Variants in SNX14 observed in about 807,000 individuals in gnomAD.
SNX14 encodes sorting nexin 14.
Under a neutral mutation model 133.8 loss-of-function variants are expected in SNX14, and 93 were observed. That is an observed-to-expected ratio of 0.70 (90% CI 0.59 to 0.83). The LOEUF (loss-of-function observed/expected upper bound fraction) is 0.83, where lower values mean the gene tolerates loss of function less well. SNX14 is among the 40% of genes least tolerant of loss of function. The probability of loss-of-function intolerance (pLI) is 0.00; values close to 1 mark genes in which losing one functional copy is unlikely to be tolerated. For synonymous variants in SNX14, 368 were observed against 365.6 expected, an observed-to-expected ratio of 1.01 and a Z score of -0.07; for missense variants, 945 against 1,094.9, an observed-to-expected ratio of 0.86 and a Z score of 1.93.
At chr6:85,530,136 G>T in intron 19 of SNX14, 56 bp downstream of exon 19, 1 of 1,094,586 alleles carries the variant, frequency 9.1e-7, no homozygotes, top group Non-Finnish European at 1.3e-6. Flanking sequence ...TGGTGTCATA[G>T]TTTTAAAGAA....
At chr6:85,518,221 G>C (rs188866379) in intron 21 of SNX14, among the ~76,000 whole-genome samples, 173 bp from the exon 22 acceptor site, 110 of 152,170 alleles carry the variant, frequency 7.2e-4, no homozygotes, top group African/African-American at 2.5e-3. Context: ...ATGGTATTCT[G>C]AAATATTTAT....
At chr6:85,520,931 T>C (rs1776662190) in intron 21 of SNX14, among the ~76,000 whole-genome samples, 1 of 152,220 alleles carries the variant, frequency 6.6e-6, no homozygotes, top group African/African-American at 2.4e-5. Context: ...ATGAACGTTC[T>C]TAAACATGGA....
chr6:85,535,482 G>A (rs1424750554), intron 17 of SNX14, among the ~76,000 whole-genome samples: 1 of 151,906 alleles, frequency 6.6e-6, no homozygotes, highest in Non-Finnish European at 1.5e-5. Flanking sequence ...TGGGCATGGT[G>A]GCGGGCGCCT....
In SNX14 at chr6:85,572,341, G is replaced by T; in HGVS notation, c.295C>A (p.His99Asn). 3 of 1,613,208 alleles carry T rather than the reference G, an allele frequency of 1.9e-6. No individual in the cohort carries two copies. The South Asian group carries it at 3.3e-5, about 18-fold the overall frequency. ...LGLQELFPQG[H>N]SCAVCGKVKC... ...ACTTTACCACAAACAGCACAGCTAT[G>T]ACCTTGAGGAAATAATTCCTGAAGT... Residue 99 changes from histidine (H) to asparagine (N), a missense_variant, in exon 3 of 29, where the codon CAT becomes AAT. Physicochemically the swap from His to Asn is moderately conservative, Grantham distance 68. This residue lies in a region of SNX14 where 514 missense variants were observed against 538.8 expected (regional missense o/e 0.95). Transcript: ENST00000314673.
chr6:85,535,237 A>G (rs1781549451), intron 17 of SNX14, among the ~76,000 whole-genome samples: 1 of 150,980 alleles, frequency 6.6e-6, no homozygotes, highest in Non-Finnish European at 1.5e-5. Flanking sequence ...CTGGTCTTGA[A>G]CTCCTTGGCT....
intron 18 of SNX14, among the ~76,000 whole-genome samples, chr6:85,533,099 C>T (rs763121186): frequency 2.0e-5 from 3 of 152,216 alleles, no homozygotes; most frequent in Admixed American, 6.5e-5. Context: ...GTGGGCCAGG[C>T]GGGTCTCAAA....
intron 28 of SNX14, among the ~76,000 whole-genome samples, chr6:85,506,477 G>T (rs898102124): frequency 6.6e-6 from 1 of 151,990 alleles, no homozygotes; most frequent in Non-Finnish European, 1.5e-5. Flanking sequence ...CCACCAAACC[G>T]AGATAACTTT....
In SNX14 at chr6:85,547,517, C is replaced by T. The variant is rs1179795785; in HGVS notation, c.901G>A (p.Asp301Asn). 6.2e-7 allele frequency: 1 copy of T among 1,603,016 alleles called. No individual in the cohort carries two copies. ...TATTCAATACTCACTGGACTGTCATCTATGAAGATGATAAGCAAATGATTC... is the reference window on the plus strand; with the variant it reads ...TATTCAATACTCACTGGACTGTCATTTATGAAGATGATAAGCAAATGATTC... The part of the protein sequence containing the change: ...TVNHLLIIFI[D>N]DSPPEKATEP... The change falls in exon 10 of 29, where the codon GAT becomes AAT. Residue 301 changes from aspartate (D) to asparagine (N), a missense_variant. This residue lies in a region of SNX14 where 514 missense variants were observed against 538.8 expected (regional missense o/e 0.95). Transcript: ENST00000314673.
chr6:85,580,268 A>T (rs182503125), intron 1 of SNX14, among the ~76,000 whole-genome samples: 1 of 152,064 alleles, frequency 6.6e-6, no homozygotes, highest in African/African-American at 2.4e-5. Flanking sequence ...CCTTTAAAGG[A>T]AGGACCCATC....
At chr6:85,532,567 C>T (rs1780620711) in intron 18 of SNX14, among the ~76,000 whole-genome samples, 1 of 152,194 alleles carries the variant, frequency 6.6e-6, no homozygotes, top group Non-Finnish European at 1.5e-5. Flanking sequence ...TCTAACATTG[C>T]CACTTTTTTT....
At chr6:85,519,552 C>T (rs1776123822) in intron 21 of SNX14, among the ~76,000 whole-genome samples, 1 of 152,078 alleles carries the variant, frequency 6.6e-6, no homozygotes, top group African/African-American at 2.4e-5. Flanking sequence ...ATCACTTGAG[C>T]CCAGGATTTG....
chr6:85,544,482 G>GA (rs1784863537), intron 12 of SNX14, among the ~76,000 whole-genome samples: 1 of 152,186 alleles, frequency 6.6e-6, no homozygotes, highest in Non-Finnish European at 1.5e-5. Context: ...CAGGATATTT[G>GA]AAAAGACAGC....
Position 85,506,003 on chromosome 6 carries a change from T to G in SNX14, c.2805A>C (p.Val935=), listed in dbSNP as rs904266336. 2 of 1,586,642 alleles carry G rather than the reference T, an allele frequency of 1.3e-6. No individual in the cohort carries two copies. Among genetic ancestry groups the G allele is most frequent in the Non-Finnish European group, 1.7e-6 (2 of 1,155,760 alleles). Residue 935 remains valine, a splice_region_variant and synonymous_variant, in exon 29 of 29, where the codon GTA becomes GTC. Coordinates refer to ENST00000314673, the MANE Select transcript of SNX14 (RefSeq NM_153816.6). ...IQELFPELNK[V]QKEVTSVTSW... is the part of the protein sequence containing the mutation. ...ATGTCACAGAGGTAACTTCCTTTTG[T>G]ACCTAAAGTAAAAATAAATCCATTT...
At position 85,514,196 on chromosome 6, in the gene SNX14, G is replaced by A. The variant is rs1435299291; in HGVS notation, c.2431C>T (p.Leu811Phe). Reference protein sequence around the residue: ...VFQVPDWLHHLLMGTRILFKN... With the variant: ...VFQVPDWLHHFLMGTRILFKN... ...AAGAGGATTCGAGTTCCCATTAAGA[G>A]ATGATGAAGCCAGTCAGGAACCTGG... Residue 811 changes from leucine (L) to phenylalanine (F), a missense_variant, in exon 25 of 29, where the codon CTC becomes TTC. Coordinates refer to ENST00000314673, the MANE Select transcript of SNX14 (RefSeq NM_153816.6). 1 of 1,613,668 alleles carries A rather than the reference G, an allele frequency of 6.2e-7. No homozygotes were observed. Among genetic ancestry groups the A allele is most frequent in the Non-Finnish European group, 8.5e-7 (1 of 1,179,890 alleles).
intron 13 of SNX14, 111 bp downstream of exon 13, chr6:85,543,494 T>C (rs946496182): frequency 4.1e-5 from 44 of 1,077,660 alleles, no homozygotes; most frequent in Middle Eastern, 2.9e-4. Flanking sequence ...ATTAGTAAAA[T>C]AGAATAATAG....
chr6:85,546,340 A>T (rs547350207), intron 12 of SNX14, among the ~76,000 whole-genome samples: 45 of 152,360 alleles, frequency 3.0e-4, no homozygotes, highest in African/African-American at 1.1e-3. Context: ...TTTTAAAGTT[A>T]TATTTTAAAA....
At chr6:85,574,865 T>C (rs1562382951) in intron 1 of SNX14, among the ~76,000 whole-genome samples, 1 of 152,042 alleles carries the variant, frequency 6.6e-6, no homozygotes, top group Admixed American at 6.5e-5. Context: ...CAATACTATG[T>C]GATCACACAT....
At chr6:85,528,914 TG>T (rs66661646) in intron 19 of SNX14, among the ~76,000 whole-genome samples, 70,225 of 151,704 alleles carry the variant, frequency 0.46, 17,642 homozygotes, top group Middle Eastern at 0.59. Flanking sequence ...TAGCCAGGCG[TG>T]GTGGTAAATG....
chr6:85,535,511 G>A (rs1305220683), intron 17 of SNX14, among the ~76,000 whole-genome samples: 2 of 151,228 alleles, frequency 1.3e-5, no homozygotes, highest in Admixed American at 1.3e-4. Flanking sequence ...AGCTACTCAG[G>A]AGGCTGAGGC....
Sources: gnomAD v4.1 joint callset for allele counts (sites outside exome capture counted in the v4.1 genomes callset) on GRCh38, gnomAD v4.1.1 for gene constraint, gnomAD v4.1.1 regional missense constraint, MANE v1.5 for transcripts, NCBI Gene and HGNC (gene_info 2026-07-23, HGNC 2026-07-21) for gene names.